Variants in BZW1 observed in about 807,000 individuals in gnomAD.
BZW1 encodes the protein basic leucine zipper and W2 domains 1.
BZW1 carries 3 observed loss-of-function variants against 54.1 expected under a neutral mutation model. The observed-to-expected ratio is 0.06, with a 90% CI of 0.03 to 0.14. The LOEUF (loss-of-function observed/expected upper bound fraction) is 0.14. Ranked by LOEUF, BZW1 falls within the 10% of genes least tolerant of loss-of-function variation. The pLI, the probability that BZW1 is intolerant of heterozygous loss-of-function variation, is 1.00. For synonymous variants in BZW1, 152 were observed against 162.7 expected, an observed-to-expected ratio of 0.93 and a Z score of 0.50; for missense variants, 206 against 491.7, an observed-to-expected ratio of 0.42 and a Z score of 5.50.
chr2:200,819,472 T>TC (rs869303865), intron 9 of BZW1, among the ~76,000 whole-genome samples: 3 of 151,956 alleles, frequency 2.0e-5, no homozygotes, highest in Admixed American at 6.6e-5. Context: ...TAGGAATTTT[T>TC]CCCCCCCTCT....
At chr2:200,815,242 T>C in intron 2 of BZW1, 99 bp from the exon 3 acceptor site, 1 of 1,227,972 alleles carries the variant, frequency 8.1e-7, no homozygotes, top group Non-Finnish European at 1.1e-6. Flanking sequence ...GTGAATTTAA[T>C]CTAACTTATT....
chr2:200,819,960 C>CAA, intron 9 of BZW1, 22 bp from the exon 10 acceptor site: 1 of 1,473,604 alleles, frequency 6.8e-7, no homozygotes, highest in Non-Finnish European at 9.0e-7. Context: ...ATGACTAAAT[C>CAA]TTTTCTCTGT....
chr2:200,817,351 C>A, intron 6 of BZW1, 110 bp downstream of exon 6: 2 of 1,340,314 alleles, frequency 1.5e-6, no homozygotes, highest in East Asian at 2.3e-5. Flanking sequence ...TATTAACCAG[C>A]CTTAAATTTA....
chr2:200,816,186 C>A (rs186448547), intron 4 of BZW1, 139 bp from the exon 5 acceptor site: 2 of 527,284 alleles, frequency 3.8e-6, no homozygotes, highest in Non-Finnish European at 6.6e-6. Context: ...TACATCTAAC[C>A]TGGACATTCT....
chr2:200,819,046 A>G, intron 9 of BZW1, 145 bp downstream of exon 9: 1 of 942,138 alleles, frequency 1.1e-6, no homozygotes, highest in Admixed American at 3.5e-5. Flanking sequence ...TAGTAACATT[A>G]GCTATTGATG....
intron 2 of BZW1, 66 bp from the exon 3 acceptor site, chr2:200,815,275 T>A (rs2038243068): frequency 9.7e-6 from 14 of 1,443,710 alleles, no homozygotes; most frequent in Non-Finnish European, 1.3e-5. Context: ...CTTCATAAGG[T>A]GATAGTTTTG....
chr2:200,821,054 C>G (rs559587999), intron 10 of BZW1, 129 bp from the exon 11 acceptor site: 20 of 1,125,810 alleles, frequency 1.8e-5, no homozygotes, highest in Non-Finnish European at 2.5e-5. Flanking sequence ...TATTATCTTC[C>G]ATTTCTCATG....
At chr2:200,815,831 C>T in intron 4 of BZW1, 70 bp downstream of exon 4, 2 of 1,337,868 alleles carry the variant, frequency 1.5e-6, no homozygotes, top group Non-Finnish European at 2.0e-6. Flanking sequence ...GAATATTCTA[C>T]TTTTAAGAGT....
At position 200,825,682 on chromosome 2, in the gene BZW1, C is replaced by T. The variant is rs2038672352; in HGVS notation, c.*3504C>T. On this transcript the variant is annotated 3_prime_UTR_variant, in exon 12 of 12. Coordinates refer to ENST00000409600, the MANE Select transcript of BZW1 (RefSeq NM_001207067.2). ...CTAAGTAGAATCATTTGGGTTCTTT[C>T]TATAAAAATCAGTGAAAATCCTCTA... 6.6e-6 allele frequency: 1 copy of T among 152,150 alleles called. No homozygotes were observed. Among genetic ancestry groups the T allele is most frequent in the Non-Finnish European group, 1.5e-5 (1 of 68,022 alleles). The allele number at this position is 152,150 out of a possible 1,614,324, so 9.4% of individuals were successfully genotyped here. A position where few individuals can be genotyped will look rare whatever the true frequency, so the allele number is the denominator to read the frequency against.
At chr2:200,813,311 C>T in intron 2 of BZW1, 30 bp downstream of exon 2, 1 of 1,568,452 alleles carries the variant, frequency 6.4e-7, no homozygotes. Flanking sequence ...TGTCTCTCTT[C>T]AAACCTCCAG....
chr2:200,812,152 C>T (rs1002392636), intron 1 of BZW1, 162 bp downstream of exon 1: 13 of 1,116,602 alleles, frequency 1.2e-5, no homozygotes, highest in East Asian at 3.3e-5. Flanking sequence ...AAGGCCGCCG[C>T]TTCGGCAGGG....
chr2:200,814,522 C>G (rs887177206), intron 2 of BZW1, among the ~76,000 whole-genome samples: 3 of 152,192 alleles, frequency 2.0e-5, no homozygotes, highest in African/African-American at 7.2e-5. Flanking sequence ...TGTGTGAAAG[C>G]AACTCAGTAA....
At chr2:200,821,606 C>T (rs955505935) in intron 11 of BZW1, among the ~76,000 whole-genome samples, 2 of 151,402 alleles carry the variant, frequency 1.3e-5, no homozygotes, top group East Asian at 1.9e-4. Flanking sequence ...ACTATGTTGC[C>T]GATGCTGGTC....
In BZW1 at chr2:200,821,202, G is replaced by T; in HGVS notation, c.1125G>T (p.Glu375Asp). 6.2e-7 allele frequency: 1 copy of T among 1,611,742 alleles called. No individual in the cohort carries two copies. Among genetic ancestry groups the T allele is most frequent in the Non-Finnish European group, 8.5e-7 (1 of 1,179,580 alleles). Residue 375 changes from glutamate to aspartate, a missense_variant, in exon 11 of 12, where the codon GAG (glutamate) becomes GAT (aspartate). Glu to Asp is a conservative substitution (Grantham distance 45, BLOSUM62 2). Coordinates refer to ENST00000409600, the MANE Select transcript of BZW1 (RefSeq NM_001207067.2). Reference protein sequence around the residue: ...LFYKAEVLSEEPILKWYKDAH... With the variant: ...LFYKAEVLSEDPILKWYKDAH... ...TTCCAGCTGAAGTCCTGAGCGAGGA[G>T]CCCATTTTGAAGTGGTATAAAGATG... is the stretch of plus-strand genomic sequence containing the variant.
rs1559318418 is a variant in BZW1, at chr2:200,826,409, T to TAGATAGATAGATAGATAGA, written c.*4231_*4232insAGATAGATAGATAGATAGA. 2.3e-4 allele frequency: 8 copies of TAGATAGATAGATAGATAGA among 35,286 alleles called. No homozygotes were observed. Among genetic ancestry groups the TAGATAGATAGATAGATAGA allele is most frequent in the Admixed American group, 1.9e-3 (7 of 3,700 alleles). The allele number at this position is 35,286 out of a possible 1,614,324, so 2.2% of individuals were successfully genotyped here. A position where few individuals can be genotyped will look rare whatever the true frequency, so the allele number is the denominator to read the frequency against. On this transcript the variant is annotated 3_prime_UTR_variant, in exon 12 of 12. Coordinates refer to ENST00000409600, the MANE Select transcript of BZW1 (RefSeq NM_001207067.2). ...GATAGATAGATAGATAGATAGATATTTTTTTTTTTTTTTTTTTTTTTTTTT... is the reference window on the plus strand; with the variant it reads ...GATAGATAGATAGATAGATAGATATTAGATAGATAGATAGATAGATTTTTTTTTTTTTTTTTTTTTTTTT...
At position 200,827,091 on chromosome 2, in the gene BZW1, T is replaced by A. The variant is rs1242535839; in HGVS notation, c.*4913T>A. The A allele has an allele frequency of 6.6e-6, 1 of 152,280 alleles. No individual in the cohort carries two copies. The highest frequency in any genetic ancestry group is 2.4e-5 in the African/African-American group (1 of 41,554). 9.4% of individuals were successfully genotyped at this position (152,280 alleles called of 1,614,324 possible). On this transcript the variant is annotated 3_prime_UTR_variant, in exon 12 of 12. Coordinates refer to ENST00000409600, the MANE Select transcript of BZW1 (RefSeq NM_001207067.2). Reference sequence around the variant, plus strand: ...GGCATTTGAAGAACAAAATATTTTCTCTGTAAATACACCTCATTTCCATTC... The same window carrying A: ...GGCATTTGAAGAACAAAATATTTTCACTGTAAATACACCTCATTTCCATTC...
At chr2:200,815,783 T>A in intron 4 of BZW1, 22 bp downstream of exon 4, 2 of 1,507,932 alleles carry the variant, frequency 1.3e-6, no homozygotes, top group Non-Finnish European at 1.8e-6. Context: ...TTTACATAAT[T>A]GTTTTCAGTT....
chr2:200,822,068 T>TA (rs2038544194), intron 11 of BZW1, 79 bp from the exon 12 acceptor site: 2 of 1,364,724 alleles, frequency 1.5e-6, no homozygotes, highest in Non-Finnish European at 2.0e-6. Context: ...GACTCTGTCT[T>TA]AAAGAAGCTT....
At chr2:200,819,183 G>GT (rs2038410461) in intron 9 of BZW1, 2 of 344,710 alleles carry the variant, frequency 5.8e-6, no homozygotes, top group Admixed American at 5.4e-5. Flanking sequence ...CTTGAGCTCA[G>GT]TTTAAGACGT....
Sources: allele counts gnomAD v4.1 joint callset (sites outside exome capture counted in the v4.1 genomes callset), GRCh38; gene constraint gnomAD v4.1.1; transcripts MANE v1.5; gene names NCBI Gene and HGNC (gene_info 2026-07-23, HGNC 2026-07-21).